ADGRG7: variants seen among roughly 807,000 people sequenced by gnomAD.
ADGRG7 encodes adhesion G protein-coupled receptor G7.
Under a neutral mutation model 88.6 loss-of-function variants are expected in ADGRG7, and 82 were observed. The observed-to-expected ratio is 0.93, with a 90% CI of 0.77 to 1.11. ADGRG7 has a LOEUF of 1.11. Ranked by LOEUF, ADGRG7 falls within the 50% of genes most tolerant of loss-of-function variation. The pLI, the probability that ADGRG7 is intolerant of heterozygous loss-of-function variation, is 0.00. For synonymous variants in ADGRG7, 381 were observed against 345.2 expected, an observed-to-expected ratio of 1.10 and a Z score of -1.15; for missense variants, 945 against 953.4, an observed-to-expected ratio of 0.99 and a Z score of 0.12.
chr3:100,648,945 G>C lies in ADGRG7; in HGVS notation c.1267-750G>C, dbSNP rs142957240. Among the ~76,000 whole-genome samples the C allele has an allele frequency of 2.9e-3, 444 of 152,088 alleles. 6 individuals are homozygous for C. The highest frequency in any genetic ancestry group is 0.017 in the Admixed American group (258 of 15,282). ...ATATACACACGCAAACATGTTGAGA[G>C]ATATATAGCTATATTACATAAAAAT... On this transcript the variant is annotated intron_variant, in intron 10 of 15. Transcript: ENST00000273352.
chr3:100,666,702 T>A (rs1244644454), intron 14 of ADGRG7, among the ~76,000 whole-genome samples: 1 of 152,138 alleles, frequency 6.6e-6, no homozygotes, highest in Non-Finnish European at 1.5e-5. Context: ...GGTGTCAGGC[T>A]GGGGGACGGT....
chr3:100,684,505 T>A (rs1414899255), intron 15 of ADGRG7, among the ~76,000 whole-genome samples: 1 of 152,062 alleles, frequency 6.6e-6, no homozygotes, highest in Non-Finnish European at 1.5e-5. Context: ...TGGGCTCAAG[T>A]GGTCATCCTG....
intron 15 of ADGRG7, among the ~76,000 whole-genome samples, chr3:100,674,609 G>C (rs1367473186): frequency 2.8e-5 from 4 of 143,016 alleles, no homozygotes; most frequent in African/African-American, 1.0e-4. Flanking sequence ...ACAGAGTCTC[G>C]CTCTGTCACC....
chr3:100,671,660 G>A (rs1293821664), intron 15 of ADGRG7, among the ~76,000 whole-genome samples: 1 of 152,154 alleles, frequency 6.6e-6, no homozygotes, highest in Non-Finnish European at 1.5e-5. Context: ...TATTGCCTAG[G>A]TTTTCTTCTA....
chr3:100,677,771 T>C (rs1403970007), intron 15 of ADGRG7, among the ~76,000 whole-genome samples: 2 of 152,160 alleles, frequency 1.3e-5, no homozygotes, highest in African/African-American at 4.8e-5. Flanking sequence ...ATAAGGTTTC[T>C]ACTGAGAAAG....
intron 5 of ADGRG7, among the ~76,000 whole-genome samples, chr3:100,636,062 C>T (rs1707535356): frequency 6.6e-6 from 1 of 152,086 alleles, no homozygotes; most frequent in African/African-American, 2.4e-5. Context: ...ATTGTGTTGT[C>T]TTTTTCTTTT....
chr3:100,652,112 T>A (rs1349590498), intron 11 of ADGRG7, among the ~76,000 whole-genome samples: 1 of 152,154 alleles, frequency 6.6e-6, no homozygotes, highest in East Asian at 1.9e-4. Context: ...AGATAAAAAC[T>A]AGACTCTAAT....
At chr3:100,682,527 T>C (rs902964857) in intron 15 of ADGRG7, among the ~76,000 whole-genome samples, 12 of 152,160 alleles carry the variant, frequency 7.9e-5, no homozygotes, top group Admixed American at 6.5e-5. Context: ...CACATCAAGG[T>C]GACCGCCGAG....
At chr3:100,649,032 T>C (rs1464514369) in intron 10 of ADGRG7, among the ~76,000 whole-genome samples, 1 of 152,236 alleles carries the variant, frequency 6.6e-6, no homozygotes, top group Admixed American at 6.5e-5. Flanking sequence ...AAAATATTTC[T>C]GCAACTTTAT....
At chr3:100,610,160 T>G (rs1027326791) in intron 1 of ADGRG7, among the ~76,000 whole-genome samples, 189 bp downstream of exon 1, 2 of 152,160 alleles carry the variant, frequency 1.3e-5, no homozygotes, top group Non-Finnish European at 2.9e-5. Context: ...TGAATAGGTG[T>G]GGGTGTGAGT....
chr3:100,673,291 T>C (rs1461070108), intron 15 of ADGRG7, among the ~76,000 whole-genome samples: 1 of 152,142 alleles, frequency 6.6e-6, no homozygotes, highest in Non-Finnish European at 1.5e-5. Flanking sequence ...TGGTTTAGAC[T>C]TGGGAGGGTG....
At chr3:100,687,777 G>T (rs568068967) in intron 15 of ADGRG7, among the ~76,000 whole-genome samples, 1 of 152,314 alleles carries the variant, frequency 6.6e-6, no homozygotes, top group South Asian at 2.1e-4. Flanking sequence ...GATTCGGTTT[G>T]CCAGTATTTT....
chr3:100,625,482 CAG>C (rs1707368672), intron 1 of ADGRG7, among the ~76,000 whole-genome samples: 2 of 152,124 alleles, frequency 1.3e-5, no homozygotes. Flanking sequence ...TGTTTGCAAA[CAG>C]AGACAATTTG....
intron 15 of ADGRG7, among the ~76,000 whole-genome samples, chr3:100,670,637 G>A (rs1287639582): frequency 2.6e-5 from 4 of 152,008 alleles, no homozygotes; most frequent in Admixed American, 6.6e-5. Flanking sequence ...AGCTATACAC[G>A]TGCCATGGTG....
intron 14 of ADGRG7, among the ~76,000 whole-genome samples, chr3:100,664,131 C>T (rs148229666): frequency 1.6e-4 from 24 of 152,068 alleles, no homozygotes; most frequent in East Asian, 7.7e-4. Flanking sequence ...TTCAGATATA[C>T]GCATTAGAAA....
intron 1 of ADGRG7, among the ~76,000 whole-genome samples, chr3:100,618,237 A>C (rs889127190): frequency 6.6e-6 from 1 of 151,974 alleles, no homozygotes; most frequent in Admixed American, 6.6e-5. Context: ...CCCATTTGTC[A>C]ATTTTGGCTT....
chr3:100,665,230 TG>T, intron 14 of ADGRG7: 1 of 540,336 alleles, frequency 1.9e-6, no homozygotes, highest in South Asian at 1.4e-5. Flanking sequence ...ACGGAGGATA[TG>T]GAACTCTCCC....
intron 14 of ADGRG7, among the ~76,000 whole-genome samples, chr3:100,666,447 T>C (rs568506850): frequency 2.2e-4 from 33 of 152,324 alleles, no homozygotes; most frequent in Non-Finnish European, 3.7e-4. Context: ...TTAAGTGCTG[T>C]GCTTTTAGAT....
intron 6 of ADGRG7, among the ~76,000 whole-genome samples, chr3:100,640,608 G>GCCTC (rs1707625384): frequency 6.6e-6 from 1 of 151,922 alleles, no homozygotes; most frequent in African/African-American, 2.4e-5. Context: ...CACAACCTCT[G>GCCTC]CCTCCCAAGT....
Sources: gnomAD v4.1 joint callset for allele counts (sites outside exome capture counted in the v4.1 genomes callset) on GRCh38, gnomAD v4.1.1 for gene constraint, MANE v1.5 for transcripts, NCBI Gene and HGNC (gene_info 2026-07-23, HGNC 2026-07-21) for gene names.